The following ARHGEF10 variants were observed in gnomAD, a reference collection of about 807,000 sequenced individuals.
ARHGEF10 encodes the protein Rho guanine nucleotide exchange factor (GEF) 10.
Under a neutral mutation model 147.4 loss-of-function variants are expected in ARHGEF10, and 140 were observed. That is an observed-to-expected ratio of 0.95 (90% CI 0.83 to 1.09). The LOEUF (loss-of-function observed/expected upper bound fraction) is 1.09. Ranked by LOEUF, ARHGEF10 falls within the 50% of genes least tolerant of loss-of-function variation. The pLI, the probability that ARHGEF10 is intolerant of heterozygous loss-of-function variation, is 0.00. For synonymous variants in ARHGEF10, 902 were observed against 695.8 expected (o/e 1.30, Z -4.67); for missense variants, 2,222 against 1,752.7 (o/e 1.27, Z -4.78).
intron 7 of ARHGEF10, among the ~76,000 whole-genome samples, chr8:1,872,411 T>A (rs1807203982): frequency 6.6e-6 from 1 of 152,166 alleles, no homozygotes; most frequent in Non-Finnish European, 1.5e-5. Flanking sequence ...TGAGAATTAG[T>A]TTATAATGTT....
rs1461767328 is a variant in ARHGEF10 at position 1,841,901 on chromosome 8, GGCCGCGGCGGGAAC to G, written c.-47-1451_-47-1438del. Reference sequence around the variant, plus strand: ...GAACTGGGGCCGCGGCGGGAACTGGGGCCGCGGCGGGAACTGGGGCCGCGGCGGGAACTGGGGCC... The same window carrying G: ...GAACTGGGGCCGCGGCGGGAACTGGGTGGGGCCGCGGCGGGAACTGGGGCC... On this transcript the variant is annotated intron_variant, in intron 1 of 28. Transcript: ENST00000349830. 1.1e-3 allele frequency among the ~76,000 whole-genome samples: 121 copies of G among 109,546 alleles called. 6 individuals are homozygous for G. Among genetic ancestry groups the G allele is most frequent in the East Asian group, 6.6e-3 (24 of 3,642 alleles). The allele number at this position is 109,546 out of a possible 152,430, so 71.9% of individuals were successfully genotyped here.
At chr8:1,941,531 C>T (rs1814090602) in intron 26 of ARHGEF10, among the ~76,000 whole-genome samples, 1 of 151,310 alleles carries the variant, frequency 6.6e-6, no homozygotes. Context: ...GAAAACAGTC[C>T]CCAATTGGAT....
Position 1,838,440 on chromosome 8 carries a change from C to T in ARHGEF10, c.-47-4913C>T, listed in dbSNP as rs536433991. 2.3e-3 allele frequency among the ~76,000 whole-genome samples: 347 copies of T among 152,386 alleles called. 2 individuals carry two copies. Among genetic ancestry groups the T allele is most frequent in the African/African-American group, 7.4e-3 (306 of 41,602 alleles). On this transcript the variant is annotated intron_variant, in intron 1 of 28. Transcript: ENST00000349830. Reference sequence around the variant, plus strand: ...TTCTCCTTCCCACAGCCACCCGGCACCCGCCCAGCCTGGGGAGAAGCCATC... The same window carrying T: ...TTCTCCTTCCCACAGCCACCCGGCATCCGCCCAGCCTGGGGAGAAGCCATC...
intron 11 of ARHGEF10, among the ~76,000 whole-genome samples, chr8:1,887,483 TGAG>T (rs1808773112): frequency 1.0e-5 from 1 of 96,296 alleles, no homozygotes; most frequent in Admixed American, 1.4e-4. Context: ...GAGGAGACAC[TGAG>T]TGGGGTGTGA....
chr8:1,945,873 A>AAGGAGCCGCGTGCTAGG, intron 27 of ARHGEF10: 1 of 612,272 alleles, frequency 1.6e-6, no homozygotes, highest in South Asian at 1.9e-5. Flanking sequence ...ACAGGTCCTG[A>AAGGAGCCGCGTGCTAGG]AGGAGCCGCG....
At chr8:1,953,895 T>C (rs956734803) in intron 28 of ARHGEF10, among the ~76,000 whole-genome samples, 3 of 152,212 alleles carry the variant, frequency 2.0e-5, no homozygotes, top group Non-Finnish European at 4.4e-5. Context: ...GAACTGTTCC[T>C]ACGGGCTCCA....
At chr8:1,827,207 G>A (rs1802823570) in intron 1 of ARHGEF10, among the ~76,000 whole-genome samples, 1 of 152,250 alleles carries the variant, frequency 6.6e-6, no homozygotes, top group African/African-American at 2.4e-5. Flanking sequence ...TGCCACATCT[G>A]CCACCCTACT....
At chr8:1,880,428 A>C (rs970920356) in intron 9 of ARHGEF10, among the ~76,000 whole-genome samples, 12 of 152,222 alleles carry the variant, frequency 7.9e-5, no homozygotes, top group African/African-American at 2.9e-4. Flanking sequence ...CTGGCTGTCT[A>C]CTAGAGAGGG....
At chr8:1,835,314 C>G (rs577109031) in intron 1 of ARHGEF10, among the ~76,000 whole-genome samples, 1 of 152,356 alleles carries the variant, frequency 6.6e-6, no homozygotes, top group South Asian at 2.1e-4. Context: ...AGGTGCATCT[C>G]TGAAACCACG....
intron 1 of ARHGEF10, among the ~76,000 whole-genome samples, chr8:1,840,365 TCCGATATGGGG>T (rs1803925658): frequency 2.9e-5 from 4 of 135,936 alleles, no homozygotes; most frequent in African/African-American, 1.2e-4. Context: ...GTGGAAGCTG[TCCGATATGGGG>T]ACTGTCTGGT....
At chr8:1,907,227 T>G (rs57090602) in intron 17 of ARHGEF10, among the ~76,000 whole-genome samples, 6,420 of 152,252 alleles carry the variant, frequency 0.042, 480 homozygotes, top group African/African-American at 0.15. Context: ...TAAAGGTGTT[T>G]ATCACTTAAC....
At chr8:1,840,768 G>C (rs775509276) in intron 1 of ARHGEF10, among the ~76,000 whole-genome samples, 13 of 152,292 alleles carry the variant, frequency 8.5e-5, no homozygotes, top group South Asian at 2.1e-4. Context: ...CCTTAACTTG[G>C]ATATGACAGC....
At chr8:1,938,609 T>C (rs1813814537) in intron 26 of ARHGEF10, among the ~76,000 whole-genome samples, 1 of 152,162 alleles carries the variant, frequency 6.6e-6, no homozygotes. Flanking sequence ...GGAAGTTAAT[T>C]CTTGTCATTG....
At chr8:1,886,919 G>T (rs79484245) in intron 11 of ARHGEF10, among the ~76,000 whole-genome samples, 2 of 152,096 alleles carry the variant, frequency 1.3e-5, no homozygotes, top group African/African-American at 2.4e-5. Context: ...CACACGTCCA[G>T]GGGGGTGGTT....
chr8:1,944,149 T>C (rs1383887995), intron 26 of ARHGEF10, among the ~76,000 whole-genome samples: 3 of 113,794 alleles, frequency 2.6e-5, no homozygotes, highest in African/African-American at 6.2e-5. Flanking sequence ...CCGCATCGTG[T>C]CGCCTCCCTC....
chr8:1,891,807 G>A (rs4292733), intron 11 of ARHGEF10, among the ~76,000 whole-genome samples: 89,082 of 151,898 alleles, frequency 0.59, 27,658 homozygotes, highest in African/African-American at 0.79. Context: ...TGAGCTGCCA[G>A]AAAGACTGAC....
chr8:1,883,167 T>G (rs1431941120), intron 10 of ARHGEF10, among the ~76,000 whole-genome samples: 2 of 151,824 alleles, frequency 1.3e-5, no homozygotes, highest in Non-Finnish European at 2.9e-5. Context: ...AGATTTGGAG[T>G]AGACAGCTGA....
intron 26 of ARHGEF10, among the ~76,000 whole-genome samples, chr8:1,940,694 A>G (rs1814018086): frequency 6.6e-6 from 1 of 152,238 alleles, no homozygotes; most frequent in East Asian, 1.9e-4. Flanking sequence ...ACCGGTATCC[A>G]CTGTGAGCAC....
At chr8:1,935,656 G>A (rs1216376875) in intron 26 of ARHGEF10, among the ~76,000 whole-genome samples, 5 of 152,150 alleles carry the variant, frequency 3.3e-5, no homozygotes, top group African/African-American at 1.2e-4. Flanking sequence ...TGGCAACTCC[G>A]CACCCTAGAG....
Sources: allele counts gnomAD v4.1 joint callset (sites outside exome capture counted in the v4.1 genomes callset), GRCh38; gene constraint gnomAD v4.1.1; transcripts MANE v1.5; gene names NCBI Gene and HGNC (gene_info 2026-07-23, HGNC 2026-07-21).